Variants in CDC20 observed in about 807,000 individuals in gnomAD.
CDC20 encodes cell division cycle protein 20 homolog.
A neutral mutation model predicts 60.0 loss-of-function variants in CDC20; 34 were observed. That is an observed-to-expected ratio of 0.57 (90% confidence interval 0.43 to 0.75). The LOEUF is 0.75. Among genes scored for constraint, CDC20 ranks in the 30% least tolerant of loss-of-function variants. CDC20 has a pLI of 0.00. For missense variants in CDC20, 469 were observed against 647.3 expected (o/e 0.72, Z 2.99); for synonymous variants, 198 against 243.5 (o/e 0.81, Z 1.74).
intron 6 of CDC20, 21 bp from the exon 7 acceptor site, chr1:43,360,478 C>G: frequency 6.2e-7 from 1 of 1,611,228 alleles, no homozygotes; most frequent in Non-Finnish European, 8.5e-7. Context: ...ATCTCTGATC[C>G]TAGTGGGCTT....
At position 43,359,979 on chromosome 1, in the gene CDC20, C is replaced by G; in HGVS notation, c.438C>G (p.Asn146Lys). Reference sequence around the variant, plus strand: ...ACTCCGTTGCCACAGGTTATCAGAACAGACTGAAAGTACTCTACAGCCAAA... The same window carrying G: ...ACTCCGTTGCCACAGGTTATCAGAAGAGACTGAAAGTACTCTACAGCCAAA... Reference protein sequence around the residue: ...KPQNAPEGYQNRLKVLYSQKA... With the variant: ...KPQNAPEGYQKRLKVLYSQKA... Residue 146 changes from asparagine to lysine, a missense_variant, in exon 5 of 11, where the codon AAC (asparagine) becomes AAG (lysine). This residue lies in a region of CDC20 where 255 missense variants were observed against 326.7 expected (regional missense o/e 0.78). Transcript: ENST00000310955. 6.2e-7 allele frequency: 1 copy of G among 1,614,176 alleles called. No homozygotes were observed. The highest frequency in any genetic ancestry group is 8.5e-7 in the Non-Finnish European group (1 of 1,180,024).
rs571760708 is a variant in CDC20, at chr1:43,359,193, C to T, written c.-23C>T. ...GCTCCGTAGGCACCAACTGCAAGGA[C>T]CCCTCCCCCTGCGGGCGCTCCCATG... On this transcript the variant is annotated 5_prime_UTR_variant, in exon 2 of 11. Transcript: ENST00000310955. 1.2e-5 allele frequency: 19 copies of T among 1,611,120 alleles called. No individual in the cohort carries two copies. Among genetic ancestry groups the T allele is most frequent in the Middle Eastern group, 4.5e-4 (2 of 4,442 alleles).
At chr1:43,362,129 A>T (rs917017587) in intron 9 of CDC20, 66 bp from the exon 10 acceptor site, 9 of 906,348 alleles carry the variant, frequency 9.9e-6, no homozygotes, top group Non-Finnish European at 1.8e-6. Context: ...TAACACTAGA[A>T]TGGGCTCAGT....
In CDC20 at chr1:43,360,256, A is replaced by AC; in HGVS notation, c.622dup (p.Leu208ProfsTer8). ...GCCGTGGCACTGGACAACAGTGTGT[A>AC]CCTGTGGAGTGCAAGCTCTGGTGAC... On this transcript the variant is annotated frameshift_variant, in exon 6 of 11. Transcript: ENST00000310955. LOFTEE classifies it high-confidence loss of function. 6.2e-7 allele frequency: 1 copy of AC among 1,614,174 alleles called. No homozygotes were observed. Among genetic ancestry groups the AC allele is most frequent in the Non-Finnish European group, 8.5e-7 (1 of 1,180,032 alleles).
chr1:43,360,021 C>T lies in CDC20; in HGVS notation c.480C>T (p.Ser160=). The T allele has an allele frequency of 6.2e-7, 1 of 1,614,166 alleles. No homozygotes were observed. The highest frequency in any genetic ancestry group is 8.5e-7 in the Non-Finnish European group (1 of 1,180,000). The change falls in exon 5 of 11, where the codon TCC becomes TCT. Residue 160 remains serine, a synonymous_variant. Transcript: ENST00000310955. ...ACAGCCAAAAGGCCACTCCTGGCTC[C>T]AGCCGGAAGACCTGCCGTTACATTC... ...VLYSQKATPG[S]SRKTCRYIPS...
chr1:43,362,286 C>T lies in CDC20; in HGVS notation c.1295C>T (p.Thr432Ile), dbSNP rs1319289274. 1.3e-6 allele frequency: 2 copies of T among 1,584,214 alleles called. No homozygotes were observed. The highest frequency in any genetic ancestry group is 1.7e-6 in the Non-Finnish European group (2 of 1,152,940). Residue 432 changes from threonine to isoleucine, a missense_variant, in exon 10 of 11, where the codon ACC becomes ATC. This residue lies in a region of CDC20 where 20 missense variants were observed against 55.8 expected (regional missense o/e 0.36). Transcript: ENST00000310955. ...QNQLVIWKYPTMAKVAELKGH... is the reference protein window; with the variant it reads ...QNQLVIWKYPIMAKVAELKGH... ...CAGCTAGTTATTTGGAAGTACCCAA[C>T]CATGGCCAAGGTGGCTGAACTCAAA...
intron 9 of CDC20, among the ~76,000 whole-genome samples, chr1:43,361,796 C>T (rs1647173716): frequency 6.6e-6 from 1 of 152,190 alleles, no homozygotes; most frequent in Admixed American, 6.5e-5. Flanking sequence ...TAGAAAGATA[C>T]TTGAGGCTCT....
Position 43,359,371 on chromosome 1 carries a change from C to T in CDC20, c.156C>T (p.Ala52=). Residue 52 remains alanine, a synonymous_variant, in exon 2 of 11, where the codon GCC becomes GCT. Transcript: ENST00000310955. ...GGGCCGCCAACCGATCCCACAGCGC[C>T]GGCAGGACTCCGGGCCGAACTCCTG... The part of the protein sequence containing the change: ...PMRAANRSHS[A]GRTPGRTPGK... The T allele has an allele frequency of 1.2e-6, 2 of 1,612,910 alleles. No homozygotes were observed. The highest frequency in any genetic ancestry group is 1.7e-6 in the Non-Finnish European group (2 of 1,179,606).
intron 10 of CDC20, among the ~76,000 whole-genome samples, chr1:43,362,593 G>A (rs1423662542): frequency 6.6e-6 from 1 of 152,132 alleles, no homozygotes; most frequent in East Asian, 1.9e-4. Context: ...GGCCAGGCAC[G>A]GTGGCTCACG....
Position 43,362,182 on chromosome 1 carries a change from C to T in CDC20, c.1204-13C>T. 1.3e-6 allele frequency: 2 copies of T among 1,545,022 alleles called. No homozygotes were observed. The highest frequency in any genetic ancestry group is 8.9e-7 in the Non-Finnish European group (1 of 1,117,996). ...TGGCTATATGTCATGCCCACACCAG[C>T]TCCTCTCCACAGGTGTGCTCCATCC... is the stretch of plus-strand genomic sequence containing the variant. On this transcript the variant is annotated splice_polypyrimidine_tract_variant and intron_variant, in intron 9 of 10. Transcript: ENST00000310955.
Position 43,359,845 on chromosome 1 carries a change from C to T in CDC20, c.427+24C>T, listed in dbSNP as rs1174766175. 16 of 1,612,518 alleles carry T rather than the reference C, an allele frequency of 9.9e-6. No homozygotes were observed. In the Admixed American group the frequency reaches 2.3e-4, roughly 24 times the overall value. On this transcript the variant is annotated intron_variant, in intron 4 of 10. Coordinates refer to ENST00000310955, the MANE Select transcript of CDC20 (RefSeq NM_001255.3). ...GGGTAAGACCCGAAGTTCCTGGTTC[C>T]TGGAGGGAGGTGTCAGTTCATCTCC...
chr1:43,362,927 A>G (rs752649034), intron 10 of CDC20, 24 bp from the exon 11 acceptor site: 1 of 1,556,750 alleles, frequency 6.4e-7, no homozygotes, highest in East Asian at 2.3e-5. Context: ...CAGCATTCGT[A>G]TGTACTGTTC....
At position 43,359,485 on chromosome 1, in the gene CDC20, C is replaced by A. The variant is rs769077784; in HGVS notation, c.182-5C>A. ...GTCAGACTGTCTTCTCTTTCTCCGC[C>A]CCAGGCAAATCCAGTTCCAAGGTTC... On this transcript the variant is annotated splice_region_variant and splice_polypyrimidine_tract_variant and intron_variant, in intron 2 of 10. Transcript: ENST00000310955. The A allele has an allele frequency of 6.2e-7, 1 of 1,614,076 alleles. No individual in the cohort carries two copies. The highest frequency in any genetic ancestry group is 2.2e-5 in the East Asian group (1 of 44,872).
Position 43,360,399 on chromosome 1 carries a change from G to A in CDC20, c.753+10G>A. 6.2e-7 allele frequency: 1 copy of A among 1,613,598 alleles called. No homozygotes were observed. Among genetic ancestry groups the A allele is most frequent in the East Asian group, 2.2e-5 (1 of 44,882 alleles). ...CAGTGCTGAGGTGCAGGTGAGACGT[G>A]TCCAGTGCTGTCATTCTCACCAGTC... On this transcript the variant is annotated intron_variant, in intron 6 of 10. Coordinates refer to ENST00000310955, the MANE Select transcript of CDC20 (RefSeq NM_001255.3).
intron 9 of CDC20, among the ~76,000 whole-genome samples, chr1:43,361,680 TTTG>T (rs1199322781): frequency 6.6e-6 from 1 of 152,262 alleles, no homozygotes; most frequent in Non-Finnish European, 1.5e-5. Context: ...TCAAGCATTC[TTTG>T]TTATCTCCTG....
intron 10 of CDC20, 30 bp from the exon 11 acceptor site, chr1:43,362,921 A>G: frequency 2.0e-6 from 3 of 1,521,446 alleles, no homozygotes; most frequent in East Asian, 4.7e-5. Flanking sequence ...CTGCATCAGC[A>G]TTCGTATGTA....
At chr1:43,359,418 C>T in intron 2 of CDC20, 22 bp downstream of exon 2, 1 of 1,612,656 alleles carries the variant, frequency 6.2e-7, no homozygotes, top group Non-Finnish European at 8.5e-7. Flanking sequence ...GCCAAAGGAA[C>T]TGAGTGAGAG....
rs1048140729 is a variant in CDC20 at position 43,362,184 on chromosome 1, C to T, written c.1204-11C>T. The stretch of plus-strand genomic sequence containing the variant: ...GCTATATGTCATGCCCACACCAGCT[C>T]CTCTCCACAGGTGTGCTCCATCCTC... On this transcript the variant is annotated splice_polypyrimidine_tract_variant and intron_variant, in intron 9 of 10. Transcript: ENST00000310955. 6.4e-7 allele frequency: 1 copy of T among 1,557,386 alleles called. No individual in the cohort carries two copies. Among genetic ancestry groups the T allele is most frequent in the South Asian group, 1.1e-5 (1 of 89,870 alleles).
Position 43,360,341 on chromosome 1 carries a change from C to G in CDC20, c.705C>G (p.Ile235Met). 1.2e-6 allele frequency: 2 copies of G among 1,614,192 alleles called. No individual in the cohort carries two copies. Among genetic ancestry groups the G allele is most frequent in the East Asian group, 2.2e-5 (1 of 44,892 alleles). Reference sequence around the variant, plus strand: ...AATATATATCCTCTGTGGCCTGGATCAAAGAGGGCAACTACTTGGCTGTGG... The same window carrying G: ...AATATATATCCTCTGTGGCCTGGATGAAAGAGGGCAACTACTTGGCTGTGG... ...PGEYISSVAW[I>M]KEGNYLAVGT... The change falls in exon 6 of 11, where the codon ATC (isoleucine) becomes ATG (methionine). Residue 235 changes from isoleucine (I) to methionine (M), a missense_variant. Coordinates refer to ENST00000310955, the MANE Select transcript of CDC20 (RefSeq NM_001255.3).
Sources: allele counts gnomAD v4.1 joint callset (sites outside exome capture counted in the v4.1 genomes callset), GRCh38; gene constraint gnomAD v4.1.1; regional missense constraint gnomAD v4.1.1; transcripts MANE v1.5; gene names NCBI Gene and HGNC (gene_info 2026-07-23, HGNC 2026-07-21).